The following NPFFR2 variants were observed in gnomAD, a reference collection of about 807,000 sequenced individuals.
NPFFR2 encodes the protein G-protein coupled receptor 74.
A neutral mutation model predicts 13.1 loss-of-function variants in NPFFR2; 15 were observed. The observed-to-expected ratio is 1.15, with a 90% CI of 0.77 to 1.76. The LOEUF (loss-of-function observed/expected upper bound fraction) is 1.76, where lower values mean the gene tolerates loss of function less well. Among genes scored for constraint, NPFFR2 ranks in the 40% most tolerant of loss-of-function variants. The pLI, the probability that NPFFR2 is intolerant of heterozygous loss-of-function variation, is 0.00. For synonymous variants in NPFFR2, 190 were observed against 175.7 expected (o/e 1.08, Z -0.65); for missense variants, 572 against 503.5 (o/e 1.14, Z -1.30).
chr4:72,062,661 T>TC (rs1719953877), intron 1 of NPFFR2, among the ~76,000 whole-genome samples: 1 of 152,154 alleles, frequency 6.6e-6, no homozygotes, highest in Non-Finnish European at 1.5e-5. Context: ...TGACTTTTTT[T>TC]TCCCAACAAA....
At chr4:72,082,454 A>T (rs1361072853) in intron 1 of NPFFR2, among the ~76,000 whole-genome samples, 1 of 152,090 alleles carries the variant, frequency 6.6e-6, no homozygotes, top group Non-Finnish European at 1.5e-5. Context: ...AAATTCAATG[A>T]CTACTCTTTG....
Position 72,128,632 on chromosome 4 carries a change from A to C in NPFFR2, c.41A>C (p.His14Pro). The change falls in exon 2 of 4, where the codon CAT becomes CCT. Residue 14 changes from histidine (H) to proline (P), a missense_variant. Transcript: ENST00000308744. ...GACACAAACTCTTCAGAAAACTGGC[A>C]TCCCATCTGGAATGTCAATGACACA... ...KWDTNSSENWHPIWNVNDTKH... is the reference protein window; with the variant it reads ...KWDTNSSENWPPIWNVNDTKH... The C allele has an allele frequency of 6.2e-7, 1 of 1,612,090 alleles. No individual in the cohort carries two copies. Among genetic ancestry groups the C allele is most frequent in the South Asian group, 1.1e-5 (1 of 90,920 alleles).
intron 1 of NPFFR2, among the ~76,000 whole-genome samples, chr4:72,099,633 A>G (rs552543903): frequency 1.4e-4 from 21 of 152,206 alleles, no homozygotes; most frequent in African/African-American, 4.3e-4. Context: ...TGAACTCACT[A>G]TTGTGAGGAA....
chr4:72,112,857 G>A (rs765804529), intron 1 of NPFFR2, among the ~76,000 whole-genome samples: 10 of 151,900 alleles, frequency 6.6e-5, no homozygotes, highest in African/African-American at 9.7e-5. Context: ...GGGTTGCTAT[G>A]CTTCTACTTT....
intron 1 of NPFFR2, among the ~76,000 whole-genome samples, chr4:72,119,254 T>A (rs1265275725): frequency 1.3e-5 from 2 of 152,134 alleles, no homozygotes; most frequent in African/African-American, 4.8e-5. Flanking sequence ...AATAGTGGGA[T>A]CTAAATATGT....
chr4:72,139,422 A>T (rs1416202928), intron 3 of NPFFR2, among the ~76,000 whole-genome samples: 1 of 152,032 alleles, frequency 6.6e-6, no homozygotes, highest in East Asian at 1.9e-4. Flanking sequence ...ATCCATCTTG[A>T]ATTAATTTTT....
chr4:72,055,060 A>C (rs1404222487), intron 1 of NPFFR2, among the ~76,000 whole-genome samples: 1 of 151,998 alleles, frequency 6.6e-6, no homozygotes, highest in African/African-American at 2.4e-5. Context: ...AACTACTAAT[A>C]TATGCAAAAC....
intron 1 of NPFFR2, among the ~76,000 whole-genome samples, chr4:72,051,691 T>C (rs1328061414): frequency 2.6e-5 from 4 of 151,968 alleles, no homozygotes; most frequent in South Asian, 2.1e-4. Flanking sequence ...CTTCAAAAAA[T>C]TGGTGAATCC....
chr4:72,104,277 G>A (rs1721351759), intron 1 of NPFFR2, among the ~76,000 whole-genome samples: 1 of 152,032 alleles, frequency 6.6e-6, no homozygotes, highest in African/African-American at 2.4e-5. Flanking sequence ...TGATGATGAT[G>A]TCGATTATCA....
chr4:72,140,257 GTTGCCTGA>G (rs1346698765), intron 3 of NPFFR2, among the ~76,000 whole-genome samples: 7 of 151,996 alleles, frequency 4.6e-5, no homozygotes, highest in African/African-American at 1.7e-4. Flanking sequence ...ATTGCTTTCT[GTTGCCTGA>G]TTGCCTTGGC....
intron 1 of NPFFR2, among the ~76,000 whole-genome samples, chr4:72,084,500 A>T (rs1230134036): frequency 6.6e-6 from 1 of 152,192 alleles, no homozygotes; most frequent in Admixed American, 6.6e-5. Context: ...AAAATTACAC[A>T]TTTTTAAGAC....
intron 1 of NPFFR2, among the ~76,000 whole-genome samples, chr4:72,098,334 A>G (rs1347522497): frequency 6.6e-6 from 1 of 152,220 alleles, no homozygotes; most frequent in Non-Finnish European, 1.5e-5. Context: ...GAGCTGTATT[A>G]GTTGAGATAG....
intron 1 of NPFFR2, among the ~76,000 whole-genome samples, chr4:72,116,174 T>A (rs1279220461): frequency 6.6e-6 from 1 of 152,110 alleles, no homozygotes; most frequent in Non-Finnish European, 1.5e-5. Flanking sequence ...ACTAAAGAAA[T>A]TTTTTTCTGT....
intron 1 of NPFFR2, among the ~76,000 whole-genome samples, chr4:72,054,625 C>G (rs1361708359): frequency 6.6e-6 from 1 of 151,748 alleles, no homozygotes; most frequent in Non-Finnish European, 1.5e-5. Context: ...TAAACTGACA[C>G]AATTAACTTT....
intron 3 of NPFFR2, chr4:72,146,692 A>G: frequency 3.1e-6 from 1 of 327,152 alleles, no homozygotes; most frequent in South Asian, 8.2e-5. Flanking sequence ...GGTCCATGCA[A>G]ATTAATGGAA....
intron 2 of NPFFR2, 46 bp downstream of exon 2, chr4:72,128,965 C>G: frequency 7.0e-7 from 1 of 1,433,730 alleles, no homozygotes; most frequent in African/African-American, 1.4e-5. Context: ...AAATATTTGT[C>G]CCATATTTCA....
At chr4:72,069,080 T>G (rs1443659674) in intron 1 of NPFFR2, 1 of 552,050 alleles carries the variant, frequency 1.8e-6, no homozygotes, top group Non-Finnish European at 3.0e-6. Flanking sequence ...CAACACTACT[T>G]AAGCTATTCT....
chr4:72,066,089 A>G (rs1720061657), intron 1 of NPFFR2, among the ~76,000 whole-genome samples: 1 of 152,222 alleles, frequency 6.6e-6, no homozygotes, highest in Non-Finnish European at 1.5e-5. Flanking sequence ...GAGCTTTGGA[A>G]GTCCAAGATC....
At chr4:72,126,888 T>C (rs888763974) in intron 1 of NPFFR2, among the ~76,000 whole-genome samples, 5 of 152,336 alleles carry the variant, frequency 3.3e-5, no homozygotes, top group African/African-American at 1.2e-4. Flanking sequence ...TTTCCATTCC[T>C]GATTTTGTTT....
Sources: allele counts gnomAD v4.1 joint callset (sites outside exome capture counted in the v4.1 genomes callset), GRCh38; gene constraint gnomAD v4.1.1; transcripts MANE v1.5; gene names NCBI Gene and HGNC (gene_info 2026-07-23, HGNC 2026-07-21).